The following SLC10A6 variants were observed in gnomAD, a reference collection of about 807,000 sequenced individuals.
SLC10A6 encodes the protein solute carrier family 10 member 6.
A neutral mutation model predicts 30.0 loss-of-function variants in SLC10A6; 27 were observed. The ratio of observed to expected loss-of-function variants is 0.90; its 90% CI spans 0.66 to 1.24. SLC10A6 has a LOEUF of 1.24. Among genes scored for constraint, SLC10A6 ranks in the 50% most tolerant of loss-of-function variants. The probability of loss-of-function intolerance (pLI) is 0.00; values close to 1 mark genes in which losing one functional copy is unlikely to be tolerated. For missense variants in SLC10A6, 439 were observed against 457.0 expected, an observed-to-expected ratio of 0.96 and a Z score of 0.36; for synonymous variants, 166 against 173.8, an observed-to-expected ratio of 0.95 and a Z score of 0.36.
chr4:86,837,269 AAG>A (rs1440696428), intron 1 of SLC10A6, among the ~76,000 whole-genome samples: 88 of 110,668 alleles, frequency 8.0e-4, no homozygotes, highest in Middle Eastern at 4.0e-3. Context: ...GAAAGAAAGA[AAG>A]AAAGAAAGAA....
chr4:86,824,887 C>T (rs1454965273), intron 5 of SLC10A6, among the ~76,000 whole-genome samples: 1 of 152,042 alleles, frequency 6.6e-6, no homozygotes, highest in Non-Finnish European at 1.5e-5. Context: ...ATAAAAGACT[C>T]CAAAGTAATG....
In SLC10A6 at chr4:86,849,090, G is replaced by T; in HGVS notation, c.26C>A (p.Ser9Ter). The change falls in exon 1 of 6, where the codon TCA becomes TAA. Residue 9 changes from serine to a stop codon, truncating the protein, a stop_gained. Coordinates refer to ENST00000273905, the MANE Select transcript of SLC10A6 (RefSeq NM_197965.3). LOFTEE classifies it high-confidence loss of function. ...CTCTGAACTGTTGGCAGGGCAGGCTGAGCTGCTGGAACAATTGGCTCTCAT... is the reference window on the plus strand; with the variant it reads ...CTCTGAACTGTTGGCAGGGCAGGCTTAGCTGCTGGAACAATTGGCTCTCAT... MRANCSSS[S>*]ACPANSSEEE... 1 of 1,613,674 alleles carries T rather than the reference G, an allele frequency of 6.2e-7. No homozygotes were observed. Among genetic ancestry groups the T allele is most frequent in the Non-Finnish European group, 8.5e-7 (1 of 1,179,860 alleles).
chr4:86,840,444 C>G (rs1215473938), intron 1 of SLC10A6, among the ~76,000 whole-genome samples: 1 of 152,014 alleles, frequency 6.6e-6, no homozygotes, highest in Non-Finnish European at 1.5e-5. Flanking sequence ...ATAGTCAGAG[C>G]TGTTTTTTTA....
At chr4:86,837,076 TA>T (rs1746198157) in intron 1 of SLC10A6, among the ~76,000 whole-genome samples, 1 of 151,774 alleles carries the variant, frequency 6.6e-6, no homozygotes, top group African/African-American at 2.4e-5. Context: ...TTTCCATATA[TA>T]TTTTTGGTCT....
intron 5 of SLC10A6, 30 bp from the exon 6 acceptor site, chr4:86,823,932 A>C (rs1187702439): frequency 1.9e-6 from 3 of 1,553,300 alleles, no homozygotes; most frequent in African/African-American, 2.7e-5. Flanking sequence ...AGTATTAACA[A>C]TCACTTTAAC....
At position 86,849,010 on chromosome 4, in the gene SLC10A6, CTG is replaced by C; in HGVS notation, c.104_105del (p.Thr35SerfsTer54). On this transcript the variant is annotated frameshift_variant, in exon 1 of 6. Coordinates refer to ENST00000273905, the MANE Select transcript of SLC10A6 (RefSeq NM_197965.3). LOFTEE classifies it high-confidence loss of function. Reference sequence around the variant, plus strand: ...AGCCCCATCATCACAGTGGACACCACTGTGAAAACGAGCTCCAGGTTTCCATG... The same window carrying C: ...AGCCCCATCATCACAGTGGACACCACTGAAAACGAGCTCCAGGTTTCCATG... Reference protein sequence around the residue: ...EVHGNLELVFTVVSTVMMGLL... With the variant: ...EVHGNLELVFXVVSTVMMGLL... 3 of 1,614,184 alleles carry C rather than the reference CTG, an allele frequency of 1.9e-6. No individual in the cohort carries two copies. The highest frequency in any genetic ancestry group is 2.5e-6 in the Non-Finnish European group (3 of 1,180,030).
At chr4:86,839,063 TTTTTC>T (rs374538211) in intron 1 of SLC10A6, among the ~76,000 whole-genome samples, 180 of 152,188 alleles carry the variant, frequency 1.2e-3, no homozygotes, top group African/African-American at 4.1e-3. Flanking sequence ...TACTCTTTTA[TTTTTC>T]TTTTAAGCAG....
chr4:86,823,765 T>C lies in SLC10A6; in HGVS notation c.1057A>G (p.Ile353Val). The part of the protein sequence containing the change: ...AFLEVNEEGA[I>V]TPGPPGPMDC... The stretch of plus-strand genomic sequence containing the variant: ...ATTGGCCCTGGTGGCCCAGGAGTGA[T>C]GGCACCTTCTTCATTCACCTCCAAG... The change falls in exon 6 of 6, where the codon ATC becomes GTC. Residue 353 changes from isoleucine (I) to valine (V), a missense_variant. Transcript: ENST00000273905. The C allele has an allele frequency of 1.2e-6, 2 of 1,614,214 alleles. No individual in the cohort carries two copies. Among genetic ancestry groups the C allele is most frequent in the Non-Finnish European group, 1.7e-6 (2 of 1,180,026 alleles).
chr4:86,832,016 T>A, intron 2 of SLC10A6, 136 bp from the exon 3 acceptor site: 1 of 709,398 alleles, frequency 1.4e-6, no homozygotes, highest in South Asian at 1.7e-5. Flanking sequence ...TCTGGATAAA[T>A]GCCTACAATA....
intron 5 of SLC10A6, 80 bp downstream of exon 5, chr4:86,825,340 T>A: frequency 2.1e-6 from 3 of 1,402,820 alleles, no homozygotes; most frequent in Non-Finnish European, 2.9e-6. Flanking sequence ...CACATGCAAG[T>A]TTGGATTGAA....
chr4:86,826,474 G>A (rs1475944404), intron 4 of SLC10A6, among the ~76,000 whole-genome samples: 1 of 152,000 alleles, frequency 6.6e-6, no homozygotes, highest in African/African-American at 2.4e-5. Flanking sequence ...CCAGCTACTC[G>A]GGAGGCTGAG....
chr4:86,826,124 C>T (rs1254700890), intron 4 of SLC10A6, among the ~76,000 whole-genome samples: 2 of 152,118 alleles, frequency 1.3e-5, no homozygotes, highest in East Asian at 3.9e-4. Flanking sequence ...TGGCTCATGC[C>T]TGGAATCCCA....
At chr4:86,831,334 CA>C (rs1746077796) in intron 3 of SLC10A6, among the ~76,000 whole-genome samples, 5 of 152,188 alleles carry the variant, frequency 3.3e-5, no homozygotes, top group Admixed American at 3.3e-4. Flanking sequence ...CTCATGTGTA[CA>C]AACAACAGCT....
chr4:86,825,449 T>C lies in SLC10A6; in HGVS notation c.890A>G (p.Gln297Arg). ...AACAATAAGAAATCCATCTATCAGC[T>C]GGAAGAGTCCATAGGCCAGTGGGAA... ...LSFPLAYGLF[Q>R]LIDGFLIVAA... The change falls in exon 5 of 6, where the codon CAG becomes CGG. Residue 297 changes from glutamine to arginine, a missense_variant. Physicochemically the swap from Gln to Arg is conservative, Grantham distance 43. Transcript: ENST00000273905. 6.2e-7 allele frequency: 1 copy of C among 1,606,446 alleles called. No homozygotes were observed. The highest frequency in any genetic ancestry group is 1.7e-5 in the Admixed American group (1 of 59,946).
chr4:86,837,327 A>AAGGGAGGGAGGGAGGGAGGAAG, intron 1 of SLC10A6, among the ~76,000 whole-genome samples: 1 of 131,712 alleles, frequency 7.6e-6, no homozygotes, highest in Non-Finnish European at 1.6e-5. Context: ...GGAAGGAAGG[A>AAGGGAGGGAGGGAGGGAGGAAG]AGGAAGGAAG....
chr4:86,839,273 CAAAAAAAA>C (rs60340324), intron 1 of SLC10A6, among the ~76,000 whole-genome samples: 3 of 55,384 alleles, frequency 5.4e-5, no homozygotes, highest in African/African-American at 9.8e-5. Context: ...CTGGTCTCTA[CAAAAAAAA>C]AAAAAAAAAA....
intron 1 of SLC10A6, among the ~76,000 whole-genome samples, chr4:86,846,184 A>T (rs1746387252): frequency 6.6e-6 from 1 of 152,210 alleles, no homozygotes; most frequent in Non-Finnish European, 1.5e-5. Flanking sequence ...ATTGTTTCAC[A>T]CCGTACTTGA....
At chr4:86,826,822 A>G (rs1393573473) in intron 4 of SLC10A6, among the ~76,000 whole-genome samples, 5 of 152,140 alleles carry the variant, frequency 3.3e-5, no homozygotes, top group East Asian at 1.9e-4. Context: ...GGGAGCCTGC[A>G]GTGTTTTATA....
intron 1 of SLC10A6, among the ~76,000 whole-genome samples, chr4:86,840,076 A>T (rs1261505109): frequency 7.0e-6 from 1 of 142,320 alleles, no homozygotes; most frequent in Non-Finnish European, 1.6e-5. Flanking sequence ...CACCAGGCTA[A>T]TTTTTTTTTT....
Sources: allele counts gnomAD v4.1 joint callset (sites outside exome capture counted in the v4.1 genomes callset), GRCh38; gene constraint gnomAD v4.1.1; transcripts MANE v1.5; gene names NCBI Gene and HGNC (gene_info 2026-07-23, HGNC 2026-07-21).